The following YWHAZ variants were observed in gnomAD, a reference collection of about 807,000 sequenced individuals.
YWHAZ encodes 14-3-3 protein zeta/delta.
For missense variants in YWHAZ, 79 were observed against 284.8 expected (o/e 0.28, Z 5.20); for synonymous variants, 87 against 103.6 (o/e 0.84, Z 0.97).
intron 1 of YWHAZ, chr8:100,951,484 G>A (rs1377409483): frequency 1.0e-6 from 1 of 985,010 alleles, no homozygotes. Context: ...CGCCGCCGCC[G>A]CCGCCGAGTC....
intron 2 of YWHAZ, among the ~76,000 whole-genome samples, chr8:100,926,256 T>C (rs989993691): frequency 2.0e-5 from 3 of 150,956 alleles, no homozygotes; most frequent in South Asian, 2.1e-4. Context: ...GAAGTGGCAG[T>C]AGGGCCAGAT....
intron 1 of YWHAZ, chr8:100,951,547 AGAGACAAGGGT>A (rs1252004597): frequency 2.0e-6 from 2 of 985,284 alleles, no homozygotes; most frequent in Non-Finnish European, 2.4e-6. Context: ...GGAAGCCCGC[AGAGACAAGGGT>A]GGGGATGGAT....
chr8:100,944,659 T>C (rs780946741), intron 2 of YWHAZ, among the ~76,000 whole-genome samples: 5 of 152,204 alleles, frequency 3.3e-5, no homozygotes, highest in Admixed American at 2.6e-4. Context: ...CGAAATTCCA[T>C]TCATGGACTG....
At position 100,948,561 on chromosome 8, in the gene YWHAZ, A is replaced by G. The variant is rs1345117763; in HGVS notation, c.294+35T>C. 1 of 1,599,150 alleles carries G rather than the reference A, an allele frequency of 6.3e-7. No individual in the cohort carries two copies. Among genetic ancestry groups the G allele is most frequent in the Non-Finnish European group, 8.5e-7 (1 of 1,172,362 alleles). ...TGTAACTGATACTCATAGGGACCCT[A>G]CAGTATAATGAAGCCAGACTGAATT... On this transcript the variant is annotated intron_variant, in intron 2 of 5. Transcript: ENST00000395958. The surrounding 1 kb of genome is among the most constrained non-coding windows in gnomAD (Gnocchi z 4.2).
chr8:100,947,354 T>C (rs1810375038), intron 2 of YWHAZ, among the ~76,000 whole-genome samples: 1 of 152,054 alleles, frequency 6.6e-6, no homozygotes, highest in African/African-American at 2.4e-5. Flanking sequence ...AAGCAAGATA[T>C]TCCTTTTTTC....
intron 2 of YWHAZ, among the ~76,000 whole-genome samples, chr8:100,941,787 G>GA (rs1395348085): frequency 2.2e-4 from 22 of 99,374 alleles, no homozygotes; most frequent in African/African-American, 8.6e-4. Flanking sequence ...TGCTATCTCA[G>GA]AAAAAAACAA....
chr8:100,940,086 C>A (rs1282941765), intron 2 of YWHAZ, among the ~76,000 whole-genome samples: 9 of 138,324 alleles, frequency 6.5e-5, no homozygotes, highest in East Asian at 2.2e-4. Context: ...AAAAGTGAAA[C>A]ACTAACAAGT....
intron 5 of YWHAZ, 42 bp from the exon 6 acceptor site, chr8:100,920,794 A>C: frequency 4.1e-5 from 2 of 49,084 alleles, no homozygotes; most frequent in African/African-American, 2.5e-4. Context: ...TTTCAGTGGG[A>C]TGGGGGGGGG....
rs781390313 is a variant in YWHAZ at position 100,948,141 on chromosome 8, C to G, written c.294+455G>C. The G allele has an allele frequency of 6.5e-7, 1 of 1,534,270 alleles. No individual in the cohort carries two copies. Among genetic ancestry groups the G allele is most frequent in the South Asian group, 1.2e-5 (1 of 83,782 alleles). Reference sequence around the variant, plus strand: ...ACGCCAGAGTTTTCTGCATGGTTGACTCATTACATTAACATTATAGCGGCT... The same window carrying G: ...ACGCCAGAGTTTTCTGCATGGTTGAGTCATTACATTAACATTATAGCGGCT... On this transcript the variant is annotated intron_variant, in intron 2 of 5. Transcript: ENST00000395958. The surrounding 1 kb of genome is among the most constrained non-coding windows in gnomAD (Gnocchi z 4.2).
At chr8:100,946,906 A>C (rs78245995) in intron 2 of YWHAZ, among the ~76,000 whole-genome samples, 11,144 of 150,836 alleles carry the variant, frequency 0.074, 555 homozygotes, top group African/African-American at 0.14. Context: ...AACAAAAAAA[A>C]CAAAAAAACC....
intron 1 of YWHAZ, among the ~76,000 whole-genome samples, chr8:100,949,808 T>C (rs2130371386): frequency 6.6e-6 from 1 of 152,350 alleles, no homozygotes; most frequent in East Asian, 1.9e-4. Flanking sequence ...TCTAATTCTC[T>C]TTCCCTCGCA....
chr8:100,940,443 TC>T (rs1809744859), intron 2 of YWHAZ, among the ~76,000 whole-genome samples: 1 of 152,238 alleles, frequency 6.6e-6, no homozygotes, highest in Non-Finnish European at 1.5e-5. Flanking sequence ...GCAGTACTTT[TC>T]CCTCTTTGAC....
rs957217985 is a variant in YWHAZ, at chr8:100,922,517, C to T, written c.678+1438G>A. 10 of 152,142 alleles carry T rather than the reference C, an allele frequency of 6.6e-5. No homozygotes were observed. Among genetic ancestry groups the T allele is most frequent in the Non-Finnish European group, 1.3e-4 (9 of 68,182 alleles). 9.4% of individuals were successfully genotyped at this position (152,142 alleles called of 1,614,324 possible). On this transcript the variant is annotated intron_variant, in intron 5 of 5. Transcript: ENST00000395958. This position sits in a 1 kb window ranked among gnomAD's most constrained non-coding sequence, Gnocchi z 4.1. ...TTCTCTTCCTCAGCCTCCCGAGTAG[C>T]TGGGATTACAGGTGCCCACCACTAT...
chr8:100,916,693 C>T lies in YWHAZ; in HGVS notation c.*4000G>A, dbSNP rs1229959575. ...CAAATATTCACATCTCTGGTATCAC[C>T]TAGGATTGGCTAACATTATGCTTAA... On this transcript the variant is annotated 3_prime_UTR_variant, in exon 6 of 6. Coordinates refer to ENST00000395958, the MANE Select transcript of YWHAZ (RefSeq NM_145690.3). The T allele has an allele frequency of 2.0e-5, 3 of 152,180 alleles. No homozygotes were observed. The highest frequency in any genetic ancestry group is 4.4e-5 in the Non-Finnish European group (3 of 68,034). The allele number at this position is 152,180 out of a possible 1,614,324, so 9.4% of individuals were successfully genotyped here.
In YWHAZ at chr8:100,924,453, G is replaced by A; in HGVS notation, c.419-155C>T. On this transcript the variant is annotated intron_variant, in intron 3 of 5. Transcript: ENST00000395958. The surrounding 1 kb of genome is among the most constrained non-coding windows in gnomAD (Gnocchi z 5.7). The stretch of plus-strand genomic sequence containing the variant: ...ACAAGGTCCTTTTTTTTTTTTAAAG[G>A]GAGCTTTCTCCTGGTACACACTAGC... 1.4e-6 allele frequency: 1 copy of A among 690,338 alleles called. No homozygotes were observed. Among genetic ancestry groups the A allele is most frequent in the Non-Finnish European group, 2.3e-6 (1 of 438,742 alleles). 42.8% of individuals were successfully genotyped at this position (690,338 alleles called of 1,614,324 possible).
intron 2 of YWHAZ, among the ~76,000 whole-genome samples, chr8:100,937,387 G>A (rs894223523): frequency 1.3e-5 from 2 of 152,026 alleles, no homozygotes; most frequent in African/African-American, 2.4e-5. Context: ...AATATGTGGG[G>A]TGGAGAGAAA....
At chr8:100,929,139 C>T (rs1012349351) in intron 2 of YWHAZ, among the ~76,000 whole-genome samples, 1 of 151,600 alleles carries the variant, frequency 6.6e-6, no homozygotes, top group African/African-American at 2.4e-5. Flanking sequence ...GATATTGATA[C>T]ATGCATACAA....
rs1382541022 is a variant in YWHAZ at position 100,948,159 on chromosome 8, T to C, written c.294+437A>G. The C allele has an allele frequency of 5.2e-6, 8 of 1,532,360 alleles. No individual in the cohort carries two copies. Among genetic ancestry groups the C allele is most frequent in the East Asian group, 4.9e-5 (2 of 40,832 alleles). 94.9% of individuals were successfully genotyped at this position (1,532,360 alleles called of 1,614,324 possible). A position where few individuals can be genotyped will look rare whatever the true frequency, so the allele number is the denominator to read the frequency against. ...TGGTTGACTCATTACATTAACATTA[T>C]AGCGGCTAATCCTGAGAAGAGTACT... is the stretch of plus-strand genomic sequence containing the variant. On this transcript the variant is annotated intron_variant, in intron 2 of 5. Transcript: ENST00000395958. The surrounding 1 kb of genome is among the most constrained non-coding windows in gnomAD (Gnocchi z 4.2).
intron 2 of YWHAZ, among the ~76,000 whole-genome samples, chr8:100,936,167 G>GA (rs34965557): frequency 1.3e-5 from 2 of 151,616 alleles, no homozygotes; most frequent in Non-Finnish European, 2.9e-5. Context: ...AAATAAATTC[G>GA]AAAAAAAATT....
Sources: allele counts gnomAD v4.1 joint callset (sites outside exome capture counted in the v4.1 genomes callset), GRCh38; gene constraint gnomAD v4.1.1; non-coding constraint Gnocchi (gnomAD v3.1); transcripts MANE v1.5; gene names NCBI Gene and HGNC (gene_info 2026-07-23, HGNC 2026-07-21).